SYT1: variants seen among roughly 807,000 people sequenced by gnomAD.
The protein encoded by SYT1 is synaptotagmin-1.
A neutral mutation model predicts 44.8 loss-of-function variants in SYT1; 8 were observed. That is an observed-to-expected ratio of 0.18 (90% CI 0.10 to 0.32). The LOEUF is 0.32. Ranked by LOEUF, SYT1 falls within the 10% of genes least tolerant of loss-of-function variation. The pLI, the probability that SYT1 is intolerant of heterozygous loss-of-function variation, is 1.00. For missense variants in SYT1, 286 were observed against 509.3 expected, an observed-to-expected ratio of 0.56 and a Z score of 4.22; for synonymous variants, 154 against 188.8, an observed-to-expected ratio of 0.82 and a Z score of 1.51.
intron 3 of SYT1, among the ~76,000 whole-genome samples, chr12:79,057,643 T>G (rs1875062994): frequency 6.6e-6 from 1 of 152,062 alleles, no homozygotes; most frequent in Admixed American, 6.6e-5. Flanking sequence ...TTTAAAATTT[T>G]TTTTCTAATT....
At chr12:79,419,487 G>T (rs1313385893) in intron 9 of SYT1, among the ~76,000 whole-genome samples, 1 of 152,096 alleles carries the variant, frequency 6.6e-6, no homozygotes, top group African/African-American at 2.4e-5. Context: ...CAGATAATGG[G>T]ATTCAATTAC....
chr12:79,204,053 A>G lies in SYT1; in HGVS notation c.-17-13450A>G, dbSNP rs986513591. On this transcript the variant is annotated intron_variant, in intron 3 of 10. Coordinates refer to ENST00000261205, the MANE Select transcript of SYT1 (RefSeq NM_005639.3). The stretch of plus-strand genomic sequence containing the variant: ...ACTCAGAGCTGGCCTGTTTCAATTT[A>G]AATCCTGGCTCCACCACTTACTAGC... Among the ~76,000 whole-genome samples, 4 of 152,314 alleles carry G rather than the reference A, an allele frequency of 2.6e-5. No individual in the cohort carries two copies. In the East Asian group the frequency reaches 7.7e-4, roughly 29 times the overall value.
At chr12:79,071,380 G>C (rs1216371947) in intron 3 of SYT1, among the ~76,000 whole-genome samples, 1 of 152,064 alleles carries the variant, frequency 6.6e-6, no homozygotes. Context: ...TAAGAGAGTG[G>C]GGGAACCCAA....
chr12:78,909,507 T>TATAC (rs906464108), intron 1 of SYT1, among the ~76,000 whole-genome samples: 1 of 151,932 alleles, frequency 6.6e-6, no homozygotes, highest in Non-Finnish European at 1.5e-5. Flanking sequence ...CAGGGACATG[T>TATAC]ATACCCCCTT....
At chr12:79,281,549 A>G (rs1879053770) in intron 4 of SYT1, among the ~76,000 whole-genome samples, 1 of 152,106 alleles carries the variant, frequency 6.6e-6, no homozygotes, top group Non-Finnish European at 1.5e-5. Context: ...AGGGGATGAG[A>G]GATTAAATAT....
chr12:79,374,391 G>A (rs1245778), intron 9 of SYT1, among the ~76,000 whole-genome samples: 67,985 of 152,028 alleles, frequency 0.45, 18,007 homozygotes, highest in African/African-American at 0.74. Flanking sequence ...ATGATATCAT[G>A]TTGATTAAGT....
intron 9 of SYT1, among the ~76,000 whole-genome samples, chr12:79,388,801 G>T (rs1352760570): frequency 6.6e-6 from 1 of 152,118 alleles, no homozygotes; most frequent in East Asian, 1.9e-4. Flanking sequence ...GAACAAGCAG[G>T]TACTTTAAAC....
Position 79,386,521 on chromosome 12 carries a change from C to A in SYT1, c.928+32902C>A, listed in dbSNP as rs370310154. 3.9e-5 allele frequency among the ~76,000 whole-genome samples: 6 copies of A among 152,176 alleles called. No individual in the cohort carries two copies. In the East Asian group the frequency reaches 7.7e-4, roughly 20 times the overall value. ...CTCCTAGCCCCCCAACCCCCACAGA[C>A]CCTGGTGTGTGATGTTCCCCTCCCT... On this transcript the variant is annotated intron_variant, in intron 9 of 10. Transcript: ENST00000261205.
intron 9 of SYT1, among the ~76,000 whole-genome samples, chr12:79,378,295 C>T (rs1452772683): frequency 1.3e-5 from 2 of 152,066 alleles, no homozygotes; most frequent in Non-Finnish European, 2.9e-5. Context: ...GGAAACCTTC[C>T]GAAATATCAC....
intron 3 of SYT1, among the ~76,000 whole-genome samples, chr12:79,128,741 A>T (rs1209323976): frequency 6.6e-6 from 1 of 152,240 alleles, no homozygotes; most frequent in Non-Finnish European, 1.5e-5. Flanking sequence ...ATAAACCTGC[A>T]CGTTCTGCAC....
intron 2 of SYT1, among the ~76,000 whole-genome samples, chr12:78,984,277 G>T (rs1044376570): frequency 1.6e-4 from 24 of 151,840 alleles, no homozygotes; most frequent in African/African-American, 4.8e-4. Flanking sequence ...AAAATTCAGA[G>T]CACCCTAGCA....
At position 79,116,890 on chromosome 12, in the gene SYT1, C is replaced by G. The variant is rs180715110; in HGVS notation, c.-18+69528C>G. Among the ~76,000 whole-genome samples the G allele has an allele frequency of 2.4e-3, 372 of 152,266 alleles. 1 individual carries two copies. The highest frequency in any genetic ancestry group is 8.7e-3 in the African/African-American group (361 of 41,548). ...TGAGTAGGCAAGTTGCTCCTCTCCCCCTCCAGTGAGGAGGGCAAGTAAGAT... is the reference window on the plus strand; with the variant it reads ...TGAGTAGGCAAGTTGCTCCTCTCCCGCTCCAGTGAGGAGGGCAAGTAAGAT... On this transcript the variant is annotated intron_variant, in intron 3 of 10. Transcript: ENST00000261205.
rs182501982 is a variant in SYT1 at position 78,903,576 on chromosome 12, C to T, written c.-217+38467C>T. The stretch of plus-strand genomic sequence containing the variant: ...CTGGGATTACAGGCGTGACCCACCG[C>T]ACCTGGATAAAATATTTGTATATTT... On this transcript the variant is annotated intron_variant, in intron 1 of 10. Transcript: ENST00000261205. Among the ~76,000 whole-genome samples the T allele has an allele frequency of 6.1e-3, 930 of 152,150 alleles. 5 individuals carry two copies. The highest frequency in any genetic ancestry group is 9.1e-3 in the Non-Finnish European group (620 of 68,000).
At chr12:79,119,432 T>G (rs1374499597) in intron 3 of SYT1, among the ~76,000 whole-genome samples, 1 of 152,142 alleles carries the variant, frequency 6.6e-6, no homozygotes, top group Admixed American at 6.5e-5. Flanking sequence ...GACCCCTGAC[T>G]TTTTTCTCCA....
At chr12:78,892,410 A>T (rs1002734970) in intron 1 of SYT1, among the ~76,000 whole-genome samples, 3 of 151,790 alleles carry the variant, frequency 2.0e-5, no homozygotes, top group African/African-American at 7.2e-5. Flanking sequence ...CTATTATAAA[A>T]ATCAAAAAAG....
At chr12:78,976,979 G>A (rs1868884291) in intron 1 of SYT1, among the ~76,000 whole-genome samples, 1 of 151,926 alleles carries the variant, frequency 6.6e-6, no homozygotes, top group Non-Finnish European at 1.5e-5. Context: ...TCAAATATAA[G>A]ATAGTAGAAA....
At chr12:79,251,347 T>C (rs1008899152) in intron 4 of SYT1, among the ~76,000 whole-genome samples, 2 of 151,562 alleles carry the variant, frequency 1.3e-5, no homozygotes, top group African/African-American at 4.9e-5. Flanking sequence ...AAAAAAAAAA[T>C]CAATTAAAAC....
At chr12:79,315,517 A>T (rs534417427) in intron 8 of SYT1, among the ~76,000 whole-genome samples, 45 of 152,288 alleles carry the variant, frequency 3.0e-4, no homozygotes, top group Non-Finnish European at 5.1e-4. Context: ...TCTGTTTTTA[A>T]AAAAAAGTTT....
chr12:78,964,601 T>G (rs1217927983), intron 1 of SYT1, among the ~76,000 whole-genome samples: 1 of 149,574 alleles, frequency 6.7e-6, no homozygotes, highest in Non-Finnish European at 1.5e-5. Context: ...TGGCATAAAC[T>G]ATTTTACTAT....
Sources: gnomAD v4.1 joint callset for allele counts (sites outside exome capture counted in the v4.1 genomes callset) on GRCh38, gnomAD v4.1.1 for gene constraint, MANE v1.5 for transcripts, NCBI Gene and HGNC (gene_info 2026-07-23, HGNC 2026-07-21) for gene names.